PCDHGB5: variants seen among roughly 807,000 people sequenced by gnomAD.
The protein encoded by PCDHGB5 is protocadherin gamma-B5.
In PCDHGB5, 48 loss-of-function variants were observed where a neutral mutation model predicts 62.9. That is an observed-to-expected ratio of 0.76 (90% CI 0.61 to 0.97). The LOEUF is 0.97. Ranked by LOEUF, PCDHGB5 falls within the 50% of genes least tolerant of loss-of-function variation. PCDHGB5 has a pLI of 0.00. For missense variants in PCDHGB5, 1,118 were observed against 1,198.6 expected (o/e 0.93, Z 0.99); for synonymous variants, 474 against 511.2 (o/e 0.93, Z 0.98).
chr5:141,401,096 C>A (rs1193628525), intron 1 of PCDHGB5, among the ~76,000 whole-genome samples: 1 of 152,160 alleles, frequency 6.6e-6, no homozygotes, highest in Non-Finnish European at 1.5e-5. Context: ...GTAATCCCAG[C>A]ACTTTGGGAG....
rs558944208 is a variant in PCDHGB5, at chr5:141,478,187, A to G, written c.2398-16620A>G. On this transcript the variant is annotated intron_variant, in intron 1 of 3. Coordinates refer to ENST00000617380, the MANE Select transcript of PCDHGB5 (RefSeq NM_018925.3). ...CCCCCGGGAGCAGAAAAAAAATCTC[A>G]CCTTTTATCTACTTCTTTCTCTAAT... is the stretch of plus-strand genomic sequence containing the variant. The G allele has an allele frequency of 2.9e-5, 46 of 1,613,548 alleles. No individual in the cohort carries two copies. The highest frequency in any genetic ancestry group is 3.9e-5 in the Non-Finnish European group (46 of 1,179,954).
Position 141,425,952 on chromosome 5 carries a change from T to C in PCDHGB5, c.2397+25428T>C, listed in dbSNP as rs1047436598. 3.9e-5 allele frequency among the ~76,000 whole-genome samples: 6 copies of C among 152,364 alleles called. No individual in the cohort carries two copies. In the South Asian group the frequency reaches 8.3e-4, roughly 21 times the overall value. ...ATAAAATGTCTAGTTTCCTATACATTAGTCCAACACATCAGTCTAATTCTG... is the reference window on the plus strand; with the variant it reads ...ATAAAATGTCTAGTTTCCTATACATCAGTCCAACACATCAGTCTAATTCTG... On this transcript the variant is annotated intron_variant, in intron 1 of 3. Coordinates refer to ENST00000617380, the MANE Select transcript of PCDHGB5 (RefSeq NM_018925.3).
chr5:141,435,073 G>A (rs535689336), intron 1 of PCDHGB5, among the ~76,000 whole-genome samples: 150 of 151,756 alleles, frequency 9.9e-4, no homozygotes, highest in Middle Eastern at 3.4e-3. Flanking sequence ...TGTGTAGACC[G>A]TCTGATAACA....
Position 141,486,650 on chromosome 5 carries a change from T to C in PCDHGB5, c.2398-8157T>C, listed in dbSNP as rs1321605826. On this transcript the variant is annotated intron_variant, in intron 1 of 3. Coordinates refer to ENST00000617380, the MANE Select transcript of PCDHGB5 (RefSeq NM_018925.3). The surrounding 1 kb of genome is among the most constrained non-coding windows in gnomAD (Gnocchi z 5.0). ...TGGCTTGAATGCGCTTATCTCCTAC[T>C]CACTCCTGGAGCCCAGGAATCGAGA... is the stretch of plus-strand genomic sequence containing the variant. The C allele has an allele frequency of 6.2e-7, 1 of 1,613,834 alleles. No individual in the cohort carries two copies. Among genetic ancestry groups the C allele is most frequent in the African/African-American group, 1.3e-5 (1 of 74,938 alleles).
At chr5:141,465,979 G>C (rs779605313) in intron 1 of PCDHGB5, among the ~76,000 whole-genome samples, 26 of 151,846 alleles carry the variant, frequency 1.7e-4, no homozygotes, top group Non-Finnish European at 3.8e-4. Flanking sequence ...AAAATTAGCC[G>C]GGCATGGTGG....
chr5:141,408,061 G>C, intron 1 of PCDHGB5: 1 of 1,332,898 alleles, frequency 7.5e-7, no homozygotes, highest in Non-Finnish European at 1.0e-6. Flanking sequence ...CCTCCCGGCT[G>C]CGCAGACCTT....
At chr5:141,500,667 TC>T (rs1032555959) in intron 2 of PCDHGB5, among the ~76,000 whole-genome samples, 26 of 152,194 alleles carry the variant, frequency 1.7e-4, no homozygotes, top group African/African-American at 6.0e-4. Flanking sequence ...GGCCATACTG[TC>T]CAACAGAATT....
In PCDHGB5 at chr5:141,399,642, G is replaced by A. The variant is rs755191053; in HGVS notation, c.1515G>A (p.Ala505=). The part of the protein sequence containing the change: ...LALASYVSMS[A]QSGVVFAQRA... ...TGGCCTCTTACGTGTCCATGAGCGC[G>A]CAAAGTGGGGTGGTGTTCGCGCAGC... Residue 505 remains alanine, a synonymous_variant, in exon 1 of 4, where the codon GCG becomes GCA. Coordinates refer to ENST00000617380, the MANE Select transcript of PCDHGB5 (RefSeq NM_018925.3). The A allele has an allele frequency of 9.5e-5, 154 of 1,613,630 alleles. No individual in the cohort carries two copies. Among genetic ancestry groups the A allele is most frequent in the East Asian group, 4.2e-4 (19 of 44,894 alleles).
chr5:141,414,822 C>G, intron 1 of PCDHGB5: 3 of 1,614,240 alleles, frequency 1.9e-6, no homozygotes, highest in Non-Finnish European at 2.5e-6. Flanking sequence ...TCAGCAGCAA[C>G]GTGTCGTTGA....
In PCDHGB5 at chr5:141,477,486, C is replaced by T. The variant is rs1472326209; in HGVS notation, c.2398-17321C>T. On this transcript the variant is annotated intron_variant, in intron 1 of 3. Coordinates refer to ENST00000617380, the MANE Select transcript of PCDHGB5 (RefSeq NM_018925.3). This position sits in a 1 kb window ranked among gnomAD's most constrained non-coding sequence, Gnocchi z 4.9. ...GACATCAATGACAACCCTCCACAATCTTCTCAATCTTCCTACGACGTTTAC... is the reference window on the plus strand; with the variant it reads ...GACATCAATGACAACCCTCCACAATTTTCTCAATCTTCCTACGACGTTTAC... 6.2e-7 allele frequency: 1 copy of T among 1,614,052 alleles called. No individual in the cohort carries two copies. The highest frequency in any genetic ancestry group is 1.3e-5 in the African/African-American group (1 of 74,914).
chr5:141,403,403 C>G (rs755177334), intron 1 of PCDHGB5: 2 of 1,614,066 alleles, frequency 1.2e-6, no homozygotes, highest in Non-Finnish European at 1.7e-6. Context: ...TCCTGGAGCA[C>G]GTTATCCACT....
In PCDHGB5 at chr5:141,511,477, C is replaced by A; in HGVS notation, c.*304C>A. 2.1e-6 allele frequency: 1 copy of A among 482,262 alleles called. No homozygotes were observed. The allele number at this position is 482,262 out of a possible 1,614,324, so 29.9% of individuals were successfully genotyped here. A position where few individuals can be genotyped will look rare whatever the true frequency, so the allele number is the denominator to read the frequency against. On this transcript the variant is annotated 3_prime_UTR_variant, in exon 4 of 4. Coordinates refer to ENST00000617380, the MANE Select transcript of PCDHGB5 (RefSeq NM_018925.3). ...TTTGCCACACCCCGTTTAGTTACAG[C>A]TGAACTCCTCCATCTTCCAAATCAA...
At chr5:141,418,755 G>A (rs1489556538) in intron 1 of PCDHGB5, 8 of 1,613,898 alleles carry the variant, frequency 5.0e-6, no homozygotes, top group South Asian at 1.1e-5. Context: ...TACACTACAG[G>A]AAACATTCTA....
At position 141,486,392 on chromosome 5, in the gene PCDHGB5, C is replaced by T; in HGVS notation, c.2398-8415C>T. ...GTCTGCCTTCAGGAACCAGTTCTCC[C>T]TGGTGACTGCTGGACCCTTGGATCG... On this transcript the variant is annotated intron_variant, in intron 1 of 3. Coordinates refer to ENST00000617380, the MANE Select transcript of PCDHGB5 (RefSeq NM_018925.3). The surrounding 1 kb of genome is among the most constrained non-coding windows in gnomAD (Gnocchi z 5.0). 1 of 1,614,170 alleles carries T rather than the reference C, an allele frequency of 6.2e-7. No individual in the cohort carries two copies. Among genetic ancestry groups the T allele is most frequent in the Non-Finnish European group, 8.5e-7 (1 of 1,180,014 alleles).
chr5:141,418,832 G>A, intron 1 of PCDHGB5: 1 of 1,614,008 alleles, frequency 6.2e-7, no homozygotes, highest in Non-Finnish European at 8.5e-7. Flanking sequence ...AAAAGACCGA[G>A]GATCTCTCTC....
Position 141,490,798 on chromosome 5 carries a change from C to A in PCDHGB5, c.2398-4009C>A. 2 of 1,613,926 alleles carry A rather than the reference C, an allele frequency of 1.2e-6. No individual in the cohort carries two copies. Among genetic ancestry groups the A allele is most frequent in the South Asian group, 2.2e-5 (2 of 91,074 alleles). ...AGAGGATGGACGGATCTTTGCCCAG[C>A]GTACCTTTGACTATGAATTGCTGCA... On this transcript the variant is annotated intron_variant, in intron 1 of 3. Transcript: ENST00000617380. This position sits in a 1 kb window ranked among gnomAD's most constrained non-coding sequence, Gnocchi z 5.4.
chr5:141,409,262 G>C (rs768196825), intron 1 of PCDHGB5: 1 of 1,613,952 alleles, frequency 6.2e-7, no homozygotes, highest in Admixed American at 1.7e-5. Flanking sequence ...TTCTCTCTCT[G>C]ATCAGATTTT....
In PCDHGB5 at chr5:141,487,259, T is replaced by A. The variant is rs2099641960; in HGVS notation, c.2398-7548T>A. 1.9e-6 allele frequency: 3 copies of A among 1,614,014 alleles called. No individual in the cohort carries two copies. The highest frequency in any genetic ancestry group is 1.3e-5 in the African/African-American group (1 of 74,926). ...TCGTCTAACCCTCTACTTGGCTGTGTCCCTAGTGGCAATTTGCTTTGTCTC... is the reference window on the plus strand; with the variant it reads ...TCGTCTAACCCTCTACTTGGCTGTGACCCTAGTGGCAATTTGCTTTGTCTC... On this transcript the variant is annotated intron_variant, in intron 1 of 3. Coordinates refer to ENST00000617380, the MANE Select transcript of PCDHGB5 (RefSeq NM_018925.3). The surrounding 1 kb of genome is among the most constrained non-coding windows in gnomAD (Gnocchi z 5.0).
intron 1 of PCDHGB5, chr5:141,403,447 C>G (rs1382965437): frequency 6.2e-7 from 1 of 1,613,924 alleles, no homozygotes; most frequent in Non-Finnish European, 8.5e-7. Context: ...TTGGCGTGAA[C>G]TCCCTCCAGA....
Sources: allele counts gnomAD v4.1 joint callset (sites outside exome capture counted in the v4.1 genomes callset), GRCh38; gene constraint gnomAD v4.1.1; non-coding constraint Gnocchi (gnomAD v3.1); transcripts MANE v1.5; gene names NCBI Gene and HGNC (gene_info 2026-07-23, HGNC 2026-07-21).